Variants in KDM4C observed in about 807,000 individuals in gnomAD.
KDM4C encodes the protein lysine-specific demethylase 4C.
A neutral mutation model predicts 129.3 loss-of-function variants in KDM4C; 81 were observed. That is an observed-to-expected ratio of 0.63 (90% CI 0.52 to 0.75). KDM4C has a LOEUF of 0.75. Ranked by LOEUF, KDM4C falls within the 30% of genes least tolerant of loss-of-function variation. The pLI is 0.00. For missense variants in KDM4C, 1,457 were observed against 1,304.0 expected (o/e 1.12, Z -1.81); for synonymous variants, 573 against 456.1 (o/e 1.26, Z -3.26).
chr9:7,077,226 C>T (rs1423687477), intron 17 of KDM4C: 1 of 985,148 alleles, frequency 1.0e-6, no homozygotes, highest in Non-Finnish European at 1.2e-6. Context: ...AGATGCAACA[C>T]CTACAATATG....
At chr9:7,060,320 A>G (rs1418695919) in intron 17 of KDM4C, among the ~76,000 whole-genome samples, 1 of 150,702 alleles carries the variant, frequency 6.6e-6, no homozygotes, top group African/African-American at 2.4e-5. Context: ...GAGTTTATTG[A>G]TTTCTAACTG....
intron 12 of KDM4C, among the ~76,000 whole-genome samples, chr9:6,996,936 C>T (rs966894913): frequency 5.3e-5 from 8 of 152,074 alleles, no homozygotes; most frequent in Non-Finnish European, 1.0e-4. Context: ...AGGTATAAAA[C>T]AACTAGAAAT....
chr9:6,874,105 C>G (rs760274500), intron 5 of KDM4C, among the ~76,000 whole-genome samples: 68 of 152,144 alleles, frequency 4.5e-4, no homozygotes, highest in Non-Finnish European at 7.2e-4. Flanking sequence ...ATCACCATAA[C>G]AGATATAATA....
At chr9:6,905,135 A>G (rs566432748) in intron 8 of KDM4C, among the ~76,000 whole-genome samples, 1 of 152,342 alleles carries the variant, frequency 6.6e-6, no homozygotes, top group East Asian at 1.9e-4. Context: ...TATATCATCT[A>G]TATTAAAAAA....
chr9:6,934,441 C>T (rs1157533390), intron 8 of KDM4C, among the ~76,000 whole-genome samples: 2 of 150,924 alleles, frequency 1.3e-5, no homozygotes, highest in South Asian at 2.1e-4. Context: ...GATCATGCCA[C>T]CGCACTCGAG....
At chr9:6,846,906 C>G (rs1306373020) in intron 4 of KDM4C, among the ~76,000 whole-genome samples, 2 of 151,964 alleles carry the variant, frequency 1.3e-5, no homozygotes, top group African/African-American at 2.4e-5. Flanking sequence ...GTACAAGAAC[C>G]CTTGTGTTTC....
chr9:6,980,043 C>G (rs906458642), intron 8 of KDM4C, among the ~76,000 whole-genome samples: 17 of 152,166 alleles, frequency 1.1e-4, no homozygotes, highest in Non-Finnish European at 5.9e-5. Context: ...AATTGTATCA[C>G]CAAGATATCT....
intron 15 of KDM4C, 118 bp from the exon 16 acceptor site, chr9:7,046,743 AT>A (rs1211067437): frequency 1.3e-6 from 1 of 778,916 alleles, no homozygotes; most frequent in African/African-American, 1.7e-5. Context: ...CCTTCATGTA[AT>A]TCCTGATGGT....
At chr9:7,059,669 C>G (rs1831344576) in intron 17 of KDM4C, among the ~76,000 whole-genome samples, 1 of 152,050 alleles carries the variant, frequency 6.6e-6, no homozygotes. Flanking sequence ...ATACTTCAAC[C>G]AAACAACATA....
At chr9:6,997,057 C>CTACT (rs751077512) in intron 12 of KDM4C, among the ~76,000 whole-genome samples, 3 of 152,192 alleles carry the variant, frequency 2.0e-5, no homozygotes, top group Non-Finnish European at 2.9e-5. Flanking sequence ...CTCCAGCACT[C>CTACT]TACTGTGTGA....
intron 5 of KDM4C, among the ~76,000 whole-genome samples, chr9:6,862,459 C>G (rs937204413): frequency 6.6e-6 from 1 of 152,052 alleles, no homozygotes; most frequent in African/African-American, 2.4e-5. Context: ...TCTTAATTCT[C>G]AAGGAGATTT....
chr9:6,853,343 TTAGCCGGTCA>T (rs1839193837), intron 5 of KDM4C, among the ~76,000 whole-genome samples: 1 of 151,418 alleles, frequency 6.6e-6, no homozygotes, highest in Non-Finnish European at 1.5e-5. Context: ...AATAAGAAAA[TTAGCCGGTCA>T]TAGTGGCTCA....
chr9:6,749,253 A>G lies in KDM4C; in HGVS notation c.49+28256A>G, dbSNP rs200276176. Among the ~76,000 whole-genome samples the G allele has an allele frequency of 2.6e-4, 39 of 152,282 alleles. No individual in the cohort carries two copies. In the East Asian group the frequency reaches 6.6e-3, roughly 26 times the overall value. ...AGGCTGGTTTCGAACCCCCGACCTC[A>G]GGTGATTCACTCACCTCAGCCTCCC... On this transcript the variant is annotated intron_variant, in intron 1 of 17. Transcript: ENST00000536108.
intron 1 of KDM4C, among the ~76,000 whole-genome samples, chr9:6,771,545 A>G (rs369145464): frequency 4.1e-4 from 62 of 150,758 alleles, no homozygotes; most frequent in African/African-American, 1.5e-3. Context: ...TCCTGACCTC[A>G]GGTTATCCAC....
At chr9:6,986,271 G>C (rs1386082094) in intron 10 of KDM4C, 73 bp from the exon 11 acceptor site, 3 of 1,021,008 alleles carry the variant, frequency 2.9e-6, no homozygotes, top group Non-Finnish European at 4.3e-6. Context: ...GAATCATTTG[G>C]GAATAGTTTA....
intron 10 of KDM4C, among the ~76,000 whole-genome samples, chr9:6,985,744 G>C (rs377246457): frequency 4.6e-5 from 7 of 152,124 alleles, no homozygotes; most frequent in African/African-American, 1.7e-4. Context: ...AGGCTGGAGT[G>C]CCGTGGCACA....
chr9:6,994,870 C>G (rs987601944), intron 12 of KDM4C, among the ~76,000 whole-genome samples: 7 of 152,218 alleles, frequency 4.6e-5, no homozygotes, highest in Non-Finnish European at 5.9e-5. Flanking sequence ...CTCTCTACCA[C>G]TGTGCCAACT....
intron 1 of KDM4C, among the ~76,000 whole-genome samples, chr9:6,752,205 C>T (rs914683111): frequency 4.2e-4 from 63 of 149,954 alleles, no homozygotes; most frequent in Admixed American, 3.6e-3. Context: ...TGGTGGCGCG[C>T]GCCTGTAGTC....
intron 8 of KDM4C, among the ~76,000 whole-genome samples, chr9:6,937,533 A>G (rs1048131808): frequency 4.6e-5 from 7 of 152,062 alleles, no homozygotes; most frequent in Non-Finnish European, 8.8e-5. Context: ...GTAATCTTAC[A>G]TCTTATTGGA....
Sources: allele counts gnomAD v4.1 joint callset (sites outside exome capture counted in the v4.1 genomes callset), GRCh38; gene constraint gnomAD v4.1.1; transcripts MANE v1.5; gene names NCBI Gene and HGNC (gene_info 2026-07-23, HGNC 2026-07-21).